Variants in HIPK2 observed in about 807,000 individuals in gnomAD.
HIPK2 encodes the protein homeodomain interacting protein kinase 2.
HIPK2 carries 27 observed loss-of-function variants against 113.7 expected under a neutral mutation model. The observed-to-expected ratio is 0.24, with a 90% CI of 0.17 to 0.33. HIPK2 has a LOEUF of 0.33. Ranked by LOEUF, HIPK2 falls within the 10% of genes least tolerant of loss-of-function variation. The pLI is 1.00. For synonymous variants in HIPK2, 631 were observed against 642.2 expected (o/e 0.98, Z 0.26); for missense variants, 1,257 against 1,588.0 (o/e 0.79, Z 3.54).
At chr7:139,578,591 C>T (rs1186597064) in intron 13 of HIPK2, among the ~76,000 whole-genome samples, 1 of 152,218 alleles carries the variant, frequency 6.6e-6, no homozygotes. Context: ...GTATCTTGTA[C>T]TCAGTTATTT....
chr7:139,619,601 C>G (rs1288922960), intron 7 of HIPK2, among the ~76,000 whole-genome samples: 6 of 152,154 alleles, frequency 3.9e-5, no homozygotes, highest in Non-Finnish European at 5.9e-5. Flanking sequence ...CTGATTTTCT[C>G]CATGACTCGG....
chr7:139,671,073 T>C (rs1455394712), intron 2 of HIPK2, among the ~76,000 whole-genome samples: 1 of 152,172 alleles, frequency 6.6e-6, no homozygotes, highest in Non-Finnish European at 1.5e-5. Flanking sequence ...AAATAGGTTT[T>C]TAAAGCCAAT....
intron 12 of HIPK2, 146 bp downstream of exon 12, chr7:139,596,571 C>T (rs2116650048): frequency 9.5e-7 from 1 of 1,055,364 alleles, no homozygotes; most frequent in African/African-American, 1.6e-5. Flanking sequence ...CTTGAAATAA[C>T]TTTAGGACCA....
At chr7:139,725,844 G>C (rs1424271469) in intron 1 of HIPK2, among the ~76,000 whole-genome samples, 2 of 152,186 alleles carry the variant, frequency 1.3e-5, no homozygotes, top group African/African-American at 4.8e-5. Flanking sequence ...TCTGCTAGCA[G>C]GGCTGGGATT....
chr7:139,628,253 G>C (rs1800497089), intron 5 of HIPK2, among the ~76,000 whole-genome samples: 1 of 152,168 alleles, frequency 6.6e-6, no homozygotes, highest in Non-Finnish European at 1.5e-5. Flanking sequence ...AGAACTGTGG[G>C]GGAATGAAAG....
chr7:139,670,098 A>G (rs1009367591), intron 2 of HIPK2, among the ~76,000 whole-genome samples: 6 of 152,350 alleles, frequency 3.9e-5, no homozygotes, highest in Non-Finnish European at 1.5e-5. Context: ...GAGACAATAC[A>G]AGAAAAACTA....
intron 2 of HIPK2, among the ~76,000 whole-genome samples, chr7:139,665,558 A>ACATCCATCCATCCATC (rs71170908): frequency 8.2e-4 from 121 of 148,186 alleles, no homozygotes; most frequent in Non-Finnish European, 1.3e-3. Flanking sequence ...CCTCCTGGCC[A>ACATCCATCCATCCATC]CATCCATCCA....
chr7:139,777,250 G>A (rs540910197), intron 1 of HIPK2: 1 of 152,774 alleles, frequency 6.5e-6, no homozygotes, highest in African/African-American at 2.4e-5. Flanking sequence ...AGGTAATGTG[G>A]GGGGGCGGTG....
chr7:139,634,674 G>GTT (rs1181829827), intron 2 of HIPK2, among the ~76,000 whole-genome samples: 65 of 113,614 alleles, frequency 5.7e-4, no homozygotes, highest in East Asian at 6.6e-4. Context: ...TCTGTTTCAG[G>GTT]TTTTTTTTTT....
In HIPK2 at chr7:139,570,011, A is replaced by G. The variant is rs1482038723; in HGVS notation, c.*2916T>C. 5 of 152,220 alleles carry G rather than the reference A, an allele frequency of 3.3e-5. No homozygotes were observed. Among genetic ancestry groups the G allele is most frequent in the African/African-American group, 4.8e-5 (2 of 41,462 alleles). 9.4% of individuals were successfully genotyped at this position (152,220 alleles called of 1,614,324 possible). On this transcript the variant is annotated 3_prime_UTR_variant, in exon 15 of 15. Coordinates refer to ENST00000406875, the MANE Select transcript of HIPK2 (RefSeq NM_022740.5). ...AAGGAAAGAAAATGTCAGGTGAAAG[A>G]GTAAGTAGCCTCCAACTTAAGCAGA...
intron 10 of HIPK2, among the ~76,000 whole-genome samples, chr7:139,601,993 C>T (rs1039639040): frequency 5.9e-5 from 8 of 135,728 alleles, no homozygotes; most frequent in Non-Finnish European, 1.2e-4. Flanking sequence ...CAGTCTGTTG[C>T]CCAGGCTGGA....
chr7:139,566,250 TGGCTAATG>T lies in HIPK2; in HGVS notation c.*6669_*6676del. The T allele has an allele frequency of 6.6e-6, 1 of 152,300 alleles. No individual in the cohort carries two copies. The highest frequency in any genetic ancestry group is 1.5e-5 in the Non-Finnish European group (1 of 68,090). The allele number at this position is 152,300 out of a possible 1,614,324, so 9.4% of individuals were successfully genotyped here. On this transcript the variant is annotated 3_prime_UTR_variant, in exon 15 of 15. Transcript: ENST00000406875. This position sits in a 1 kb window ranked among gnomAD's most constrained non-coding sequence, Gnocchi z 4.1. ...TGCTCAGACATGCAGGAGACAGCTG[TGGCTAATG>T]GCTGCAAGCTCAGTTCTGGAGCTGG... is the stretch of plus-strand genomic sequence containing the variant.
At chr7:139,744,620 C>T (rs753569931) in intron 1 of HIPK2, among the ~76,000 whole-genome samples, 1 of 152,158 alleles carries the variant, frequency 6.6e-6, no homozygotes, top group African/African-American at 2.4e-5. Flanking sequence ...AAAGTAGATG[C>T]CTGATACATA....
At chr7:139,653,139 C>CAAAA (rs533809782) in intron 2 of HIPK2, among the ~76,000 whole-genome samples, 1 of 75,444 alleles carries the variant, frequency 1.3e-5, no homozygotes, top group Non-Finnish European at 2.5e-5. Flanking sequence ...GACTCTGTCT[C>CAAAA]AAAAAAAAAA....
rs1030314788 is a variant in HIPK2, at chr7:139,714,621, C to T, written c.1103+1311G>A. 7.2e-5 allele frequency among the ~76,000 whole-genome samples: 11 copies of T among 152,342 alleles called. No homozygotes were observed. Among genetic ancestry groups the T allele is most frequent in the Admixed American group, 2.0e-4 (3 of 15,314 alleles). On this transcript the variant is annotated intron_variant, in intron 2 of 14. Transcript: ENST00000406875. This position sits in a 1 kb window ranked among gnomAD's most constrained non-coding sequence, Gnocchi z 4.2. ...TTGAAAGGCGCATGGAGAAAGCACA[C>T]GGGCAAGCGAGCGTGCTTGCTTGCA...
At chr7:139,633,726 C>T (rs1800703067) in intron 2 of HIPK2, among the ~76,000 whole-genome samples, 2 of 151,924 alleles carry the variant, frequency 1.3e-5, no homozygotes, top group East Asian at 1.9e-4. Flanking sequence ...GGGAGGATCA[C>T]TTGAGGTCAG....
rs369198084 is a variant in HIPK2, at chr7:139,572,823, T to C, written c.*104A>G. On this transcript the variant is annotated 3_prime_UTR_variant, in exon 15 of 15. Coordinates refer to ENST00000406875, the MANE Select transcript of HIPK2 (RefSeq NM_022740.5). ...CATTGTTTGTGTGCGGCATCTTCAG[T>C]ATAAAAGGCCAGCGCCCACGGTCCC... is the stretch of plus-strand genomic sequence containing the variant. 47 of 417,572 alleles carry C rather than the reference T, an allele frequency of 1.1e-4. No individual in the cohort carries two copies. In the East Asian group the frequency reaches 3.6e-3, roughly 32 times the overall value. The allele number at this position is 417,572 out of a possible 1,614,324, so 25.9% of individuals were successfully genotyped here. A position where few individuals can be genotyped will look rare whatever the true frequency, so the allele number is the denominator to read the frequency against.
At chr7:139,577,472 G>A (rs1455110225) in intron 13 of HIPK2, among the ~76,000 whole-genome samples, 1 of 152,112 alleles carries the variant, frequency 6.6e-6, no homozygotes, top group Non-Finnish European at 1.5e-5. Context: ...TTCTTTAGGA[G>A]CAAACTGCAT....
chr7:139,750,793 TAGATA>T (rs1796265940), intron 1 of HIPK2, among the ~76,000 whole-genome samples: 1 of 152,212 alleles, frequency 6.6e-6, no homozygotes, highest in Non-Finnish European at 1.5e-5. Context: ...CAGTGCTTCC[TAGATA>T]AAAGTCCACA....
Sources: allele counts gnomAD v4.1 joint callset (sites outside exome capture counted in the v4.1 genomes callset), GRCh38; gene constraint gnomAD v4.1.1; non-coding constraint Gnocchi (gnomAD v3.1); transcripts MANE v1.5; gene names NCBI Gene and HGNC (gene_info 2026-07-23, HGNC 2026-07-21).